CYP7B1: variants seen among roughly 807,000 people sequenced by gnomAD.
The protein encoded by CYP7B1 is cytochrome P450 family 7 subfamily B member 1, also known as cytochrome P450 7B1.
A neutral mutation model predicts 42.7 loss-of-function variants in CYP7B1; 29 were observed. The ratio of observed to expected loss-of-function variants is 0.68; its 90% CI spans 0.51 to 0.93. The LOEUF (loss-of-function observed/expected upper bound fraction) is 0.93, where lower values mean the gene tolerates loss of function less well. Ranked by LOEUF, CYP7B1 falls within the 40% of genes least tolerant of loss-of-function variation. The pLI is 0.00. For missense variants in CYP7B1, 655 were observed against 600.5 expected, an observed-to-expected ratio of 1.09 and a Z score of -0.95; for synonymous variants, 235 against 218.2, an observed-to-expected ratio of 1.08 and a Z score of -0.68.
chr8:64,738,444 C>T (rs181627223), intron 1 of CYP7B1, among the ~76,000 whole-genome samples: 186 of 152,232 alleles, frequency 1.2e-3, no homozygotes, highest in South Asian at 1.9e-3. Flanking sequence ...GTTGGCAAAT[C>T]AGATCATTGT....
chr8:64,776,657 A>G (rs2129659209), intron 1 of CYP7B1, among the ~76,000 whole-genome samples: 1 of 152,258 alleles, frequency 6.6e-6, no homozygotes, highest in East Asian at 1.9e-4. Flanking sequence ...CCCCCACAAT[A>G]TGGCAGCATG....
At chr8:64,637,783 A>G (rs570584666) in intron 1 of CYP7B1, among the ~76,000 whole-genome samples, 3 of 152,244 alleles carry the variant, frequency 2.0e-5, no homozygotes, top group Admixed American at 2.0e-4. Context: ...ATAGCGTTCA[A>G]TTGCTTTGTT....
chr8:64,654,960 G>A (rs999829192), intron 1 of CYP7B1, among the ~76,000 whole-genome samples: 1 of 152,136 alleles, frequency 6.6e-6, no homozygotes, highest in African/African-American at 2.4e-5. Flanking sequence ...GAGGTAACTG[G>A]CTAGCCATAT....
At chr8:64,735,901 A>T (rs1424360989) in intron 1 of CYP7B1, among the ~76,000 whole-genome samples, 2 of 152,198 alleles carry the variant, frequency 1.3e-5, no homozygotes, top group African/African-American at 4.8e-5. Flanking sequence ...CTTCCCCTAC[A>T]ATACTAATAT....
chr8:64,714,510 C>T (rs549781673), intron 1 of CYP7B1, among the ~76,000 whole-genome samples: 7 of 152,194 alleles, frequency 4.6e-5, no homozygotes, highest in Non-Finnish European at 1.0e-4. Flanking sequence ...CCAGACACTA[C>T]AGTTGTCAGC....
chr8:64,783,507 G>C (rs1011459424), intron 1 of CYP7B1, among the ~76,000 whole-genome samples: 1 of 151,278 alleles, frequency 6.6e-6, no homozygotes, highest in South Asian at 2.1e-4. Context: ...TATGTCGGGT[G>C]AGAGGGCTGA....
At chr8:64,717,639 G>T (rs1323925483) in intron 1 of CYP7B1, among the ~76,000 whole-genome samples, 1 of 151,954 alleles carries the variant, frequency 6.6e-6, no homozygotes, top group Non-Finnish European at 1.5e-5. Context: ...GATTGCTTGA[G>T]CCCAGGAGTT....
chr8:64,673,006 G>C (rs16931369), intron 1 of CYP7B1, among the ~76,000 whole-genome samples: 7,991 of 152,096 alleles, frequency 0.053, 777 homozygotes, highest in African/African-American at 0.18. Flanking sequence ...GAGTAGTCAT[G>C]TTCAAAGGCA....
chr8:64,722,378 A>G (rs1212152853), intron 1 of CYP7B1, among the ~76,000 whole-genome samples: 1 of 152,180 alleles, frequency 6.6e-6, no homozygotes, highest in Non-Finnish European at 1.5e-5. Context: ...CATAAAAATC[A>G]TGTTTTAATT....
intron 1 of CYP7B1, among the ~76,000 whole-genome samples, chr8:64,659,013 C>T (rs1806162288): frequency 6.6e-6 from 1 of 152,098 alleles, no homozygotes; most frequent in South Asian, 2.1e-4. Flanking sequence ...GGTCATTGAC[C>T]GTGATGTGCA....
chr8:64,625,069 G>C (rs1037082687), intron 1 of CYP7B1, among the ~76,000 whole-genome samples: 53 of 139,694 alleles, frequency 3.8e-4, no homozygotes, highest in African/African-American at 1.4e-3. Flanking sequence ...CGCCTCCCGG[G>C]TTCACGCCAT....
intron 1 of CYP7B1, among the ~76,000 whole-genome samples, chr8:64,645,687 C>G (rs943370646): frequency 6.6e-5 from 10 of 151,930 alleles, no homozygotes; most frequent in African/African-American, 1.7e-4. Flanking sequence ...CACAGAATTG[C>G]AAAAAACTAC....
intron 1 of CYP7B1, among the ~76,000 whole-genome samples, chr8:64,675,354 T>C (rs1008463747): frequency 6.6e-6 from 1 of 151,656 alleles, no homozygotes; most frequent in Non-Finnish European, 1.5e-5. Context: ...GGAATTTTTA[T>C]TTATATTTAA....
chr8:64,758,819 T>A (rs1468683373), intron 1 of CYP7B1, among the ~76,000 whole-genome samples: 2 of 152,172 alleles, frequency 1.3e-5, no homozygotes, highest in African/African-American at 4.8e-5. Flanking sequence ...ATAGTAATAC[T>A]AGGATTATTG....
intron 1 of CYP7B1, among the ~76,000 whole-genome samples, chr8:64,630,998 T>C (rs1164839551): frequency 2.0e-5 from 3 of 152,190 alleles, no homozygotes; most frequent in African/African-American, 7.2e-5. Context: ...GCCCAGATAG[T>C]CTCATTGGTG....
At chr8:64,781,174 C>T (rs1266791098) in intron 1 of CYP7B1, among the ~76,000 whole-genome samples, 1 of 152,090 alleles carries the variant, frequency 6.6e-6, no homozygotes, top group Non-Finnish European at 1.5e-5. Context: ...ACAGAATGTT[C>T]ACTTTCCATC....
intron 1 of CYP7B1, chr8:64,734,599 T>A (rs1227682096): frequency 1.3e-5 from 2 of 152,226 alleles, no homozygotes; most frequent in African/African-American, 4.8e-5. Flanking sequence ...GATTATAAGT[T>A]TCAACATGAA....
At chr8:64,797,817 G>T (rs1461228368) in intron 1 of CYP7B1, among the ~76,000 whole-genome samples, 1 of 152,208 alleles carries the variant, frequency 6.6e-6, no homozygotes, top group Non-Finnish European at 1.5e-5. Context: ...GATTTTATCT[G>T]AACTTCTCTA....
intron 1 of CYP7B1, among the ~76,000 whole-genome samples, chr8:64,669,701 G>T (rs1008555266): frequency 4.0e-5 from 6 of 150,818 alleles, no homozygotes; most frequent in Non-Finnish European, 8.9e-5. Context: ...TTCTCTCTAG[G>T]GAGGGAATGA....
Sources: allele counts gnomAD v4.1 joint callset (sites outside exome capture counted in the v4.1 genomes callset), GRCh38; gene constraint gnomAD v4.1.1; transcripts MANE v1.5; gene names NCBI Gene and HGNC (gene_info 2026-07-23, HGNC 2026-07-21).